Variants in CACNA1C observed in about 807,000 individuals in gnomAD.
CACNA1C encodes calcium voltage-gated channel subunit alpha1 C.
Under a neutral mutation model 229.0 loss-of-function variants are expected in CACNA1C, and 30 were observed. The ratio of observed to expected loss-of-function variants is 0.13; its 90% CI spans 0.10 to 0.18. The LOEUF (loss-of-function observed/expected upper bound fraction) is 0.18. CACNA1C is among the 10% of genes least tolerant of loss of function. The pLI, the probability that CACNA1C is intolerant of heterozygous loss-of-function variation, is 1.00. For missense variants in CACNA1C, 1,658 were observed against 2,845.0 expected, an observed-to-expected ratio of 0.58 and a Z score of 9.49; for synonymous variants, 1,114 against 1,132.5, an observed-to-expected ratio of 0.98 and a Z score of 0.33.
At chr12:2,450,312 T>A (rs374904801) in intron 4 of CACNA1C, among the ~76,000 whole-genome samples, 44 of 152,132 alleles carry the variant, frequency 2.9e-4, no homozygotes, top group Non-Finnish European at 6.0e-4. Flanking sequence ...CCCAGCACTT[T>A]GGGAGGCCAA....
At chr12:2,146,260 T>TA (rs1200982064) in intron 3 of CACNA1C, among the ~76,000 whole-genome samples, 1 of 151,146 alleles carries the variant, frequency 6.6e-6, no homozygotes, top group Admixed American at 6.7e-5. Context: ...AGAGAAGGGA[T>TA]AGAGGGCTCA....
At chr12:2,192,065 C>G (rs571473370) in intron 3 of CACNA1C, among the ~76,000 whole-genome samples, 1 of 152,116 alleles carries the variant, frequency 6.6e-6, no homozygotes, top group East Asian at 1.9e-4. Flanking sequence ...CACACTCAGG[C>G]ACAGACACAC....
chr12:2,126,137 A>ATC (rs540135991), intron 3 of CACNA1C, among the ~76,000 whole-genome samples: 336 of 151,042 alleles, frequency 2.2e-3, no homozygotes, highest in African/African-American at 7.8e-3. Context: ...TTTTTAAAAG[A>ATC]TCTCTCTCTC....
chr12:2,509,383 C>T (rs2099778543), intron 8 of CACNA1C, among the ~76,000 whole-genome samples: 1 of 152,134 alleles, frequency 6.6e-6, no homozygotes, highest in Non-Finnish European at 1.5e-5. Context: ...TCCATAAAGT[C>T]ACCACAAACA....
chr12:2,035,023 GT>G (rs2048854971), intron 1 of CACNA1C, among the ~76,000 whole-genome samples: 1 of 152,342 alleles, frequency 6.6e-6, no homozygotes, highest in Non-Finnish European at 1.5e-5. Context: ...GCCGACGCCG[GT>G]TCAGAGCCGC....
intron 1 of CACNA1C, among the ~76,000 whole-genome samples, chr12:2,042,838 A>G (rs910122299): frequency 5.3e-5 from 8 of 152,254 alleles, no homozygotes; most frequent in Admixed American, 4.6e-4. Context: ...AAGATGTCCT[A>G]CACTACTCCA....
chr12:2,447,817 A>G (rs1388621353), intron 3 of CACNA1C, among the ~76,000 whole-genome samples: 1 of 152,292 alleles, frequency 6.6e-6, no homozygotes, highest in Non-Finnish European at 1.5e-5. Flanking sequence ...TCCCACATGC[A>G]CACACCAGAG....
At chr12:2,209,439 A>C (rs2154335859) in intron 3 of CACNA1C, among the ~76,000 whole-genome samples, 1 of 152,254 alleles carries the variant, frequency 6.6e-6, no homozygotes, top group Middle Eastern at 3.4e-3. Context: ...ATGGCGCTCC[A>C]TCTGTGTGAA....
At chr12:2,660,261 T>C (rs2095639434) in intron 34 of CACNA1C, 1 of 152,156 alleles carries the variant, frequency 6.6e-6, no homozygotes, top group Non-Finnish European at 1.5e-5. Context: ...ACTTCTTAAT[T>C]TGGTTTTTGT....
intron 1 of CACNA1C, among the ~76,000 whole-genome samples, chr12:2,104,044 T>G (rs2154108916): frequency 6.6e-6 from 1 of 152,328 alleles, no homozygotes; most frequent in South Asian, 2.1e-4. Flanking sequence ...TGCTTAGGAT[T>G]GTCTTGGCTA....
chr12:2,473,745 T>G (rs574178510), intron 5 of CACNA1C, among the ~76,000 whole-genome samples: 1 of 152,160 alleles, frequency 6.6e-6, no homozygotes, highest in South Asian at 2.1e-4. Flanking sequence ...ACTAAATCCC[T>G]CCAAAAATAT....
chr12:2,306,138 G>C (rs961474411), intron 3 of CACNA1C, among the ~76,000 whole-genome samples: 1 of 152,238 alleles, frequency 6.6e-6, no homozygotes, highest in Non-Finnish European at 1.5e-5. Flanking sequence ...TCTGAGGGGA[G>C]CCCTGCTGTG....
At chr12:2,290,195 G>T (rs1254854763) in intron 3 of CACNA1C, among the ~76,000 whole-genome samples, 1 of 152,238 alleles carries the variant, frequency 6.6e-6, no homozygotes, top group Non-Finnish European at 1.5e-5. Flanking sequence ...AGCATGGACA[G>T]GTGGAGAGCC....
intron 1 of CACNA1C, among the ~76,000 whole-genome samples, chr12:2,000,994 G>A (rs969649591): frequency 3.3e-5 from 5 of 150,378 alleles, no homozygotes; most frequent in African/African-American, 9.8e-5. Flanking sequence ...CCATGGTCAC[G>A]CCATTGCACT....
At chr12:2,415,380 C>T (rs1222834130) in intron 3 of CACNA1C, among the ~76,000 whole-genome samples, 1 of 152,130 alleles carries the variant, frequency 6.6e-6, no homozygotes, top group Non-Finnish European at 1.5e-5. Context: ...TTCCAAGCCT[C>T]CCGTGGAGGC....
At chr12:2,296,328 T>A (rs1302445034) in intron 3 of CACNA1C, among the ~76,000 whole-genome samples, 1 of 152,172 alleles carries the variant, frequency 6.6e-6, no homozygotes, top group African/African-American at 2.4e-5. Context: ...GGCTGGAGCA[T>A]CTCTGTAACA....
At position 2,677,793 on chromosome 12, in the gene CACNA1C, C is replaced by G. The variant is rs745800666; in HGVS notation, c.5017C>G (p.Leu1673Val). Residue 1673 changes from leucine (L) to valine (V), a missense_variant, in exon 41 of 47, where the codon CTC becomes GTC. By Grantham distance (32) the Leu-to-Val change is conservative. Coordinates refer to ENST00000399655, the MANE Select transcript of CACNA1C (RefSeq NM_000719.7). The surrounding 1 kb of genome is among the most constrained non-coding windows in gnomAD (Gnocchi z 7.4). ...GATCCGACGGGCCATCTCTGGAGAT[C>G]TCACCGCTGAGGAGGAGCTGGACAA... is the stretch of plus-strand genomic sequence containing the variant. ...PEIRRAISGD[L>V]TAEEELDKAM... 1.2e-6 allele frequency: 2 copies of G among 1,614,002 alleles called. No individual in the cohort carries two copies. Among genetic ancestry groups the G allele is most frequent in the South Asian group, 1.1e-5 (1 of 91,080 alleles).
In CACNA1C at chr12:2,285,343, A is replaced by G. The variant is rs2154443440; in HGVS notation, c.478-163633A>G. Among the ~76,000 whole-genome samples the G allele has an allele frequency of 6.6e-6, 1 of 152,304 alleles. No individual in the cohort carries two copies. Among genetic ancestry groups the G allele is most frequent in the African/African-American group, 2.4e-5 (1 of 41,578 alleles). ...AAAAACTGGCATATGCTACACCCAG[A>G]GCTTTCCTTCCCCCTCTCCTAAAAG... On this transcript the variant is annotated intron_variant, in intron 3 of 46. Transcript: ENST00000399655. This position sits in a 1 kb window ranked among gnomAD's most constrained non-coding sequence, Gnocchi z 4.2.
chr12:2,448,870 G>A (rs991614019), intron 3 of CACNA1C, 106 bp from the exon 4 acceptor site: 15 of 920,548 alleles, frequency 1.6e-5, no homozygotes, highest in Non-Finnish European at 2.3e-5. Context: ...CACCACAGAG[G>A]GGGCAGCATT....
Sources: allele counts gnomAD v4.1 joint callset (sites outside exome capture counted in the v4.1 genomes callset), GRCh38; gene constraint gnomAD v4.1.1; non-coding constraint Gnocchi (gnomAD v3.1); transcripts MANE v1.5; gene names NCBI Gene and HGNC (gene_info 2026-07-23, HGNC 2026-07-21).